The following GRIP1 variants were observed in gnomAD, a reference collection of about 807,000 sequenced individuals.
The protein encoded by GRIP1 is glutamate receptor interacting protein 1.
Under a neutral mutation model 129.9 loss-of-function variants are expected in GRIP1, and 45 were observed. That is an observed-to-expected ratio of 0.35 (90% CI 0.27 to 0.44). The LOEUF is 0.44. Ranked by LOEUF, GRIP1 falls within the 20% of genes least tolerant of loss-of-function variation. The pLI is 1.00. For synonymous variants in GRIP1, 530 were observed against 520.8 expected (o/e 1.02, Z -0.24); for missense variants, 1,196 against 1,396.8 (o/e 0.86, Z 2.29).
chr12:67,009,675 A>C (rs929505490), intron 1 of GRIP1, among the ~76,000 whole-genome samples: 1 of 152,204 alleles, frequency 6.6e-6, no homozygotes, highest in African/African-American at 2.4e-5. Context: ...CATATTATTC[A>C]AATAGACTAC....
At chr12:66,958,103 T>C (rs895492244) in intron 1 of GRIP1, among the ~76,000 whole-genome samples, 1 of 152,210 alleles carries the variant, frequency 6.6e-6, no homozygotes, top group African/African-American at 2.4e-5. Context: ...AGTTGGTTCT[T>C]GTGTCTCTTT....
At chr12:66,689,026 A>C (rs1235685025) in intron 1 of GRIP1, among the ~76,000 whole-genome samples, 1 of 152,152 alleles carries the variant, frequency 6.6e-6, no homozygotes, top group Non-Finnish European at 1.5e-5. Flanking sequence ...ACAGCTGCAC[A>C]GTCAGGCAAG....
At chr12:66,707,580 C>T (rs2136383642) in intron 1 of GRIP1, among the ~76,000 whole-genome samples, 1 of 149,658 alleles carries the variant, frequency 6.7e-6, no homozygotes, top group East Asian at 2.0e-4. Flanking sequence ...TCCTTGGTCT[C>T]TCCTAGCACT....
At chr12:66,597,030 G>A (rs1040276402) in intron 1 of GRIP1, 103 bp from the exon 2 acceptor site, 2 of 836,748 alleles carry the variant, frequency 2.4e-6, no homozygotes, top group Non-Finnish European at 4.2e-6. Flanking sequence ...AAGTGGTACA[G>A]TACAGTGGAA....
intron 5 of GRIP1, among the ~76,000 whole-genome samples, chr12:66,529,257 A>G (rs1251552947): frequency 6.6e-6 from 1 of 152,196 alleles, no homozygotes; most frequent in Non-Finnish European, 1.5e-5. Flanking sequence ...AAAAAGTAGA[A>G]CTATCATTTG....
At chr12:66,926,663 C>T (rs146076574) in intron 1 of GRIP1, among the ~76,000 whole-genome samples, 96 of 152,326 alleles carry the variant, frequency 6.3e-4, no homozygotes, top group Non-Finnish European at 1.2e-3. Context: ...GGTTAGTAGG[C>T]CTTCAAGTTA....
intron 7 of GRIP1, among the ~76,000 whole-genome samples, chr12:66,514,993 C>T (rs1004012098): frequency 7.9e-5 from 12 of 152,060 alleles, no homozygotes; most frequent in African/African-American, 2.9e-4. Flanking sequence ...CGTTGGCTCT[C>T]TTAACATTTA....
intron 1 of GRIP1, among the ~76,000 whole-genome samples, chr12:66,992,689 A>G: frequency 6.6e-6 from 1 of 152,260 alleles, no homozygotes; most frequent in East Asian, 1.9e-4. Flanking sequence ...AATATATTTT[A>G]AAGAATTGAA....
chr12:66,672,037 T>C (rs1451610163), intron 1 of GRIP1, among the ~76,000 whole-genome samples: 1 of 152,166 alleles, frequency 6.6e-6, no homozygotes, highest in African/African-American at 2.4e-5. Flanking sequence ...TGTGCACAAA[T>C]GGGCAGAATA....
chr12:67,017,809 G>T (rs2042809834), intron 1 of GRIP1, among the ~76,000 whole-genome samples: 1 of 152,200 alleles, frequency 6.6e-6, no homozygotes, highest in East Asian at 1.9e-4. Flanking sequence ...CAGCCCCACT[G>T]GGGTGCCCGT....
At chr12:66,717,819 A>G (rs1465577237) in intron 1 of GRIP1, among the ~76,000 whole-genome samples, 1 of 152,168 alleles carries the variant, frequency 6.6e-6, no homozygotes, top group African/African-American at 2.4e-5. Flanking sequence ...TTTAAATCTT[A>G]CTGGTGTTCT....
intron 2 of GRIP1, among the ~76,000 whole-genome samples, chr12:66,562,018 G>A (rs1365489108): frequency 1.3e-5 from 2 of 152,030 alleles, no homozygotes; most frequent in Non-Finnish European, 2.9e-5. Flanking sequence ...TGAGGTGAGA[G>A]GATTGCTTGA....
chr12:66,356,378 G>A (rs2054488215), intron 23 of GRIP1, among the ~76,000 whole-genome samples: 1 of 152,140 alleles, frequency 6.6e-6, no homozygotes, highest in South Asian at 2.1e-4. Context: ...CTTAGATCTT[G>A]CCATAGCACA....
chr12:66,922,206 T>G (rs1298414920), intron 1 of GRIP1, among the ~76,000 whole-genome samples: 3 of 152,314 alleles, frequency 2.0e-5, no homozygotes, highest in Admixed American at 6.5e-5. Flanking sequence ...CAGTAAACAC[T>G]TTTTTAATAT....
At chr12:66,933,711 CTACA>C (rs1175539980) in intron 1 of GRIP1, among the ~76,000 whole-genome samples, 1 of 152,088 alleles carries the variant, frequency 6.6e-6, no homozygotes, top group Non-Finnish European at 1.5e-5. Flanking sequence ...AATAAACCAC[CTACA>C]TATATAGTAC....
intron 1 of GRIP1, among the ~76,000 whole-genome samples, chr12:66,696,954 T>G (rs1307817513): frequency 6.6e-6 from 1 of 152,086 alleles, no homozygotes; most frequent in African/African-American, 2.4e-5. Flanking sequence ...ACTTCAGTGG[T>G]TTATAAACTG....
chr12:66,940,803 A>T (rs1407342416), intron 1 of GRIP1, among the ~76,000 whole-genome samples: 1 of 152,210 alleles, frequency 6.6e-6, no homozygotes, highest in Non-Finnish European at 1.5e-5. Flanking sequence ...TCGCCCACTA[A>T]ATTCCAACAA....
At chr12:66,666,828 C>T (rs2033822565) in intron 1 of GRIP1, among the ~76,000 whole-genome samples, 1 of 151,442 alleles carries the variant, frequency 6.6e-6, no homozygotes, top group Non-Finnish European at 1.5e-5. Flanking sequence ...TTATGCTCAC[C>T]CTTGATAGAC....
At chr12:66,871,073 A>G (rs117421888) in intron 1 of GRIP1, among the ~76,000 whole-genome samples, 9 of 152,208 alleles carry the variant, frequency 5.9e-5, no homozygotes, top group Non-Finnish European at 1.2e-4. Flanking sequence ...AATAATGAAA[A>G]TCTCAGCACT....
Sources: gnomAD v4.1 joint callset for allele counts (sites outside exome capture counted in the v4.1 genomes callset) on GRCh38, gnomAD v4.1.1 for gene constraint, MANE v1.5 for transcripts, NCBI Gene and HGNC (gene_info 2026-07-23, HGNC 2026-07-21) for gene names.